MID1: variants seen among roughly 807,000 people sequenced by gnomAD.
MID1 encodes the protein E3 ubiquitin-protein ligase Midline-1.
MID1 carries 7 observed loss-of-function variants against 40.4 expected under a neutral mutation model. The observed-to-expected ratio is 0.17, with a 90% confidence interval of 0.10 to 0.33. MID1 has a LOEUF of 0.33. Ranked by LOEUF, MID1 falls within the 10% of genes least tolerant of loss-of-function variation. The pLI, the probability that MID1 is intolerant of heterozygous loss-of-function variation, is 1.00. For synonymous variants in MID1, 229 were observed against 221.2 expected (o/e 1.04, Z -0.31); for missense variants, 367 against 558.5 (o/e 0.66, Z 3.46).
At chrX:10,681,945 G>A (rs1051925845) in intron 1 of MID1, among the ~76,000 whole-genome samples, 2 of 111,831 alleles carry the variant, frequency 1.8e-5, no homozygotes, top group African/African-American at 6.5e-5. Flanking sequence ...ATAAACCTTT[G>A]TGTAAAAACA....
At chrX:10,810,833 T>C (rs929609043) in intron 1 of MID1, among the ~76,000 whole-genome samples, 3 of 110,059 alleles carry the variant, frequency 2.7e-5, no homozygotes, top group African/African-American at 9.9e-5. Context: ...TATGATGTAC[T>C]CCTCTCTGAC....
intron 1 of MID1, among the ~76,000 whole-genome samples, chrX:10,638,664 T>C (rs1009520382): frequency 3.4e-4 from 38 of 111,859 alleles, no homozygotes; most frequent in Non-Finnish European, 3.8e-4. Context: ...GTAGTGCTTC[T>C]CCCAGCATGG....
intron 5 of MID1, chrX:10,475,295 G>GT (rs1159334499): frequency 2.0e-5 from 6 of 301,004 alleles, no homozygotes; most frequent in South Asian, 3.0e-5. Flanking sequence ...TAAAAAGGGA[G>GT]TTTTTTGTCT....
At chrX:10,711,888 G>A (rs1036992115) in intron 1 of MID1, among the ~76,000 whole-genome samples, 2 of 111,871 alleles carry the variant, frequency 1.8e-5, no homozygotes, top group Non-Finnish European at 3.8e-5. Flanking sequence ...AACATTTTTG[G>A]TTACCACAAC....
chrX:10,820,961 T>C (rs2044170512), intron 1 of MID1, among the ~76,000 whole-genome samples: 1 of 112,267 alleles, frequency 8.9e-6, no homozygotes, highest in Non-Finnish European at 1.9e-5. Context: ...TAAGTTATTA[T>C]GAGCAAAATC....
chrX:10,638,254 A>G (rs973873358), intron 1 of MID1, among the ~76,000 whole-genome samples: 1 of 111,736 alleles, frequency 8.9e-6, no homozygotes, highest in Non-Finnish European at 1.9e-5. Context: ...TCCCTTTCCT[A>G]GAAAAGGGAA....
chrX:10,624,190 C>A (rs1235648427), upstream of MID1, among the ~76,000 whole-genome samples: 3 of 112,161 alleles, frequency 2.7e-5, no homozygotes, highest in Middle Eastern at 4.6e-3. Context: ...GGCTAATAGA[C>A]CTCAGATAAG....
At chrX:10,689,014 C>T (rs747104912) in intron 1 of MID1, among the ~76,000 whole-genome samples, 93 of 109,336 alleles carry the variant, frequency 8.5e-4, no homozygotes, top group African/African-American at 2.8e-3. Flanking sequence ...TAGCAGGATA[C>T]AGAGCTACTA....
At chrX:10,722,061 G>T (rs944908016) in intron 1 of MID1, among the ~76,000 whole-genome samples, 3 of 111,174 alleles carry the variant, frequency 2.7e-5, no homozygotes, top group African/African-American at 9.8e-5. Flanking sequence ...ATTAGAAAAA[G>T]CATTTTTATG....
At chrX:10,623,894 G>A (rs1294312101), upstream of MID1, among the ~76,000 whole-genome samples, 2 of 108,785 alleles carry the variant, frequency 1.8e-5, no homozygotes, top group African/African-American at 7.1e-5. Context: ...CAGAAATCCA[G>A]TTGTTTTATT....
chrX:10,536,643 T>C (rs1278170634), intron 2 of MID1, among the ~76,000 whole-genome samples: 1 of 112,632 alleles, frequency 8.9e-6, no homozygotes, highest in African/African-American at 3.2e-5. Flanking sequence ...AGTCTCATCT[T>C]TTCTGTAGAA....
At chrX:10,793,520 G>A (rs897541874) in intron 1 of MID1, among the ~76,000 whole-genome samples, 10 of 112,006 alleles carry the variant, frequency 8.9e-5, no homozygotes, top group African/African-American at 2.3e-4. Flanking sequence ...CCCGATTTCA[G>A]CCATAGCCTC....
At position 10,485,083 on chromosome X, in the gene MID1, T is replaced by C. The variant is rs753282556; in HGVS notation, c.865-2455A>G. ...GCCTGTTTGTGTAAATAAAGCTTTATTGGCATACTACCACACTCATTGGTT... is the reference window on the plus strand; with the variant it reads ...GCCTGTTTGTGTAAATAAAGCTTTACTGGCATACTACCACACTCATTGGTT... On this transcript the variant is annotated intron_variant, in intron 4 of 9. Coordinates refer to ENST00000317552, the MANE Select transcript of MID1 (RefSeq NM_000381.4). Among the ~76,000 whole-genome samples the C allele has an allele frequency of 1.9e-4, 21 of 112,608 alleles. No homozygotes were observed. The South Asian group carries it at 4.4e-3, about 24-fold the overall frequency.
At chrX:10,806,197 T>G (rs919945338) in intron 1 of MID1, among the ~76,000 whole-genome samples, 1 of 111,342 alleles carries the variant, frequency 9.0e-6, no homozygotes, top group African/African-American at 3.3e-5. Flanking sequence ...AGGGTTTTTA[T>G]GGTTTTAGGT....
chrX:10,697,423 T>G (rs989657196), intron 1 of MID1, among the ~76,000 whole-genome samples: 7 of 111,454 alleles, frequency 6.3e-5, no homozygotes, highest in Non-Finnish European at 3.8e-5. Context: ...ACAGGGCAAT[T>G]GAGGGAAGAG....
chrX:10,670,445 A>G (rs2147591748), intron 1 of MID1, among the ~76,000 whole-genome samples: 1 of 111,895 alleles, frequency 8.9e-6, no homozygotes, highest in African/African-American at 3.2e-5. Context: ...GTAAAAAAAA[A>G]TAAGTTTACA....
At chrX:10,776,422 C>A (rs927962075) in intron 1 of MID1, among the ~76,000 whole-genome samples, 1 of 111,873 alleles carries the variant, frequency 8.9e-6, no homozygotes. Context: ...GAATTAAGTT[C>A]TTGCAACGGT....
intron 7 of MID1, among the ~76,000 whole-genome samples, chrX:10,465,272 A>AAAG (rs1929325695): frequency 1.1e-5 from 1 of 95,028 alleles, no homozygotes; most frequent in Non-Finnish European, 2.1e-5. Context: ...TACATATATG[A>AAAG]AAGAATAAAA....
intron 1 of MID1, among the ~76,000 whole-genome samples, chrX:10,711,478 A>G (rs2043267239): frequency 8.9e-6 from 1 of 112,385 alleles, no homozygotes; most frequent in Non-Finnish European, 1.9e-5. Flanking sequence ...GACATGAAAC[A>G]TGATTAAAAC....
Sources: gnomAD v4.1 joint callset for allele counts (sites outside exome capture counted in the v4.1 genomes callset) on GRCh38, gnomAD v4.1.1 for gene constraint, MANE v1.5 for transcripts, NCBI Gene and HGNC (gene_info 2026-07-23, HGNC 2026-07-21) for gene names.